Variants in CHRNB4 observed in about 807,000 individuals in gnomAD.
CHRNB4 encodes the protein neuronal acetylcholine receptor subunit beta-4.
A neutral mutation model predicts 40.4 loss-of-function variants in CHRNB4; 23 were observed. That is an observed-to-expected ratio of 0.57 (90% CI 0.41 to 0.81). CHRNB4 has a LOEUF of 0.81. Among genes scored for constraint, CHRNB4 ranks in the 30% least tolerant of loss-of-function variants. The pLI is 0.00. For synonymous variants in CHRNB4, 285 were observed against 274.4 expected (o/e 1.04, Z -0.38); for missense variants, 568 against 670.6 (o/e 0.85, Z 1.69).
chr15:78,644,857 T>C (rs1173844174), upstream of CHRNB4, among the ~76,000 whole-genome samples: 1 of 152,212 alleles, frequency 6.6e-6, no homozygotes, highest in African/African-American at 2.4e-5. Context: ...ACACCGCTGG[T>C]GCCCTCTCCA....
intron 5 of CHRNB4, among the ~76,000 whole-genome samples, chr15:78,655,320 C>T (rs1180099195): frequency 2.6e-5 from 4 of 151,574 alleles, no homozygotes; most frequent in African/African-American, 7.3e-5. Flanking sequence ...GATCCTCCCC[C>T]ACCTCCCAGC....
Position 78,631,310 on chromosome 15 carries a change from G to A in CHRNB4, c.227C>T (p.Thr76Ile), listed in dbSNP as rs1202771755. The A allele has an allele frequency of 6.2e-7, 1 of 1,613,998 alleles. No individual in the cohort carries two copies. The highest frequency in any genetic ancestry group is 1.3e-5 in the African/African-American group (1 of 74,942). Residue 76 changes from threonine to isoleucine, a missense_variant, in exon 3 of 6, where the codon ACC becomes ATC. This residue lies in a region of CHRNB4 where 161 missense variants were observed against 148.1 expected (regional missense o/e 1.09). Coordinates refer to ENST00000261751, the MANE Select transcript of CHRNB4 (RefSeq NM_000750.5). ...TACCTGTTTCAGCCAGACATTGGTG[G>A]TCATGATCTGCTCTCGCTCATTCTG... ...ISVNEREQIMTTNVWLKQEWT... is the reference protein window; with the variant it reads ...ISVNEREQIMITNVWLKQEWT...
upstream of CHRNB4, among the ~76,000 whole-genome samples, chr15:78,642,643 T>C (rs2054090950): frequency 6.6e-6 from 1 of 152,220 alleles, no homozygotes; most frequent in South Asian, 2.1e-4. Context: ...GGAAAGGACA[T>C]AAAACCTGGA....
rs1429427649 is a variant in CHRNB4 at position 78,660,202 on chromosome 15, G to A, written c.-851+310C>T. On this transcript the variant is annotated intron_variant and NMD_transcript_variant, in intron 1 of 11. Transcript: ENST00000559849. ...AGCCTGAGCAACAGAGCAAGACTCCGTCTTAAAAAAAAAAAAAAAGTGAAT... is the reference window on the plus strand; with the variant it reads ...AGCCTGAGCAACAGAGCAAGACTCCATCTTAAAAAAAAAAAAAAAGTGAAT... Among the ~76,000 whole-genome samples the A allele has an allele frequency of 6.4e-5, 5 of 77,822 alleles. 1 individual carries two copies. Among genetic ancestry groups the A allele is most frequent in the South Asian group, 7.1e-4 (2 of 2,820 alleles). The allele number at this position is 77,822 out of a possible 152,430, so 51.1% of individuals were successfully genotyped here. A position where few individuals can be genotyped will look rare whatever the true frequency, so the allele number is the denominator to read the frequency against.
At chr15:78,661,159 C>T (rs2054249944), upstream of CHRNB4, 2 of 622,286 alleles carry the variant, frequency 3.2e-6, no homozygotes, top group South Asian at 1.4e-5. Flanking sequence ...GCCGAAATGC[C>T]GGTACACCTC....
intron 1 of CHRNB4, among the ~76,000 whole-genome samples, chr15:78,639,488 C>CG (rs2054026542): frequency 6.6e-6 from 1 of 152,062 alleles, no homozygotes; most frequent in Non-Finnish European, 1.5e-5. Context: ...TTAGTAGAGA[C>CG]GGGGTTTCAC....
At chr15:78,640,605 G>A (rs1297526068) in intron 1 of CHRNB4, among the ~76,000 whole-genome samples, 2 of 152,232 alleles carry the variant, frequency 1.3e-5, no homozygotes, top group African/African-American at 4.8e-5. Context: ...CTAAGGCTGA[G>A]CAGCAGATTC....
chr15:78,631,704 C>G (rs1239936204), intron 2 of CHRNB4, among the ~76,000 whole-genome samples: 4 of 152,222 alleles, frequency 2.6e-5, no homozygotes, highest in Admixed American at 6.5e-5. Flanking sequence ...CATCATCTGT[C>G]ACTTAGACTA....
intron 6 of CHRNB4, chr15:78,649,574 C>T: frequency 3.5e-6 from 1 of 286,800 alleles, no homozygotes; most frequent in South Asian, 3.0e-5. Context: ...GCTTTTTACA[C>T]AAAAAGTTTG....
At position 78,629,709 on chromosome 15, in the gene CHRNB4, C is replaced by T. The variant is rs1419006239; in HGVS notation, c.596G>A (p.Gly199Asp). The change falls in exon 5 of 6, where the codon GGT becomes GAT. Residue 199 changes from glycine (G) to aspartate (D), a missense_variant. Gly to Asp is a moderately conservative substitution (Grantham distance 94). Around this residue, in one of 4 missense-constraint regions of CHRNB4, gnomAD observed 127 missense variants for 167.4 expected, o/e 0.76. Coordinates refer to ENST00000261751, the MANE Select transcript of CHRNB4 (RefSeq NM_000750.5). This position sits in a 1 kb window ranked among gnomAD's most constrained non-coding sequence, Gnocchi z 6.8. ...TASMDDFTPS[G>D]EWDIVALPGR... ...TGGGAGGGCCACTATGTCCCACTCA[C>T]CACTGGGAGTAAAGTCATCCATGCT... 1 of 1,614,122 alleles carries T rather than the reference C, an allele frequency of 6.2e-7. No homozygotes were observed. The highest frequency in any genetic ancestry group is 8.5e-7 in the Non-Finnish European group (1 of 1,180,028).
chr15:78,659,013 G>A (rs573229169), intron 1 of CHRNB4, among the ~76,000 whole-genome samples: 1 of 152,342 alleles, frequency 6.6e-6, no homozygotes, highest in East Asian at 1.9e-4. Context: ...CATTAACTGA[G>A]CATGTACTAT....
intron 1 of CHRNB4, among the ~76,000 whole-genome samples, chr15:78,659,047 T>TA (rs2054233755): frequency 6.6e-6 from 1 of 152,212 alleles, no homozygotes; most frequent in Non-Finnish European, 1.5e-5. Context: ...TTCTAAGTCC[T>TA]AGGGATACAG....
rs140834389 is a variant in CHRNB4 at position 78,649,732 on chromosome 15, G to GT, written c.-15-294dup. 0.011 allele frequency among the ~76,000 whole-genome samples: 1,681 copies of GT among 152,122 alleles called. 209 individuals carry two copies. In the East Asian group the frequency reaches 0.28, roughly 26 times the overall value. On this transcript the variant is annotated intron_variant and NMD_transcript_variant, in intron 6 of 11. Transcript: ENST00000559849. ...TAAAAACATGTTTAAAGATACCCACGTAAGTAGCAGAAGAATAAAATTGCA... is the reference window on the plus strand; with the variant it reads ...TAAAAACATGTTTAAAGATACCCACGTTAAGTAGCAGAAGAATAAAATTGCA...
chr15:78,652,333 A>C (rs2054179804), intron 6 of CHRNB4, among the ~76,000 whole-genome samples: 1 of 152,206 alleles, frequency 6.6e-6, no homozygotes, highest in Non-Finnish European at 1.5e-5. Flanking sequence ...GATCAGAGTC[A>C]TAGGTTGCCA....
At position 78,634,391 on chromosome 15, in the gene CHRNB4, G is replaced by A. The variant is rs190213392; in HGVS notation, c.204+1048C>T. Among the ~76,000 whole-genome samples the A allele has an allele frequency of 3.0e-3, 461 of 152,360 alleles. 4 individuals carry two copies. Among genetic ancestry groups the A allele is most frequent in the East Asian group, 0.012 (60 of 5,186 alleles). ...GACAATAACACTCAGACACCAGCCT[G>A]AGCAAGCCTGGCTGAAAGCCCTCCT... is the stretch of plus-strand genomic sequence containing the variant. On this transcript the variant is annotated intron_variant, in intron 2 of 5. Transcript: ENST00000261751.
rs117385892 is a variant in CHRNB4 at position 78,636,157 on chromosome 15, T to C, written c.56-570A>G. ...CCTGGCCTCAGGTGATCCACCCACA[T>C]TGGCCACTCAAAGTGCTGGGATTAC... On this transcript the variant is annotated intron_variant, in intron 1 of 5. Transcript: ENST00000261751. Among the ~76,000 whole-genome samples the C allele has an allele frequency of 2.4e-4, 36 of 152,308 alleles. No homozygotes were observed. In the East Asian group the frequency reaches 6.6e-3, roughly 28 times the overall value.
chr15:78,629,091 G>T lies in CHRNB4; in HGVS notation c.1214C>A (p.Pro405Gln), dbSNP rs71528524. ...AASKSPAGST[P>Q]VAIPRDFWLR... ...CCAGAAATCCCTGGGGATAGCCACC[G>T]GGGTAGAGCCGGCTGGAGACTTGGA... The change falls in exon 5 of 6, where the codon CCG (proline) becomes CAG (glutamine). Residue 405 changes from proline (P) to glutamine (Q), a missense_variant. Pro to Gln is a moderately conservative substitution (Grantham distance 76). Around this residue, in one of 4 missense-constraint regions of CHRNB4, gnomAD observed 242 missense variants for 274.9 expected, o/e 0.88. Transcript: ENST00000261751. The surrounding 1 kb of genome is among the most constrained non-coding windows in gnomAD (Gnocchi z 6.8). 9 of 1,614,218 alleles carry T rather than the reference G, an allele frequency of 5.6e-6. No homozygotes were observed. Among genetic ancestry groups the T allele is most frequent in the Non-Finnish European group, 6.8e-6 (8 of 1,180,052 alleles).
In CHRNB4 at chr15:78,656,678, A is replaced by C. The variant is rs187032168; in HGVS notation, c.-696T>G. On this transcript the variant is annotated 5_prime_UTR_variant and NMD_transcript_variant, in exon 4 of 12. Coordinates refer to the CHRNB4 transcript ENST00000559849. Reference sequence around the variant, plus strand: ...TCATTGGCAAACGCTGTAGAAGATAAGATGTCAAAAAGCTGAAAGAAGAGC... The same window carrying C: ...TCATTGGCAAACGCTGTAGAAGATACGATGTCAAAAAGCTGAAAGAAGAGC... 3.3e-5 allele frequency: 5 copies of C among 152,332 alleles called. No homozygotes were observed. In the East Asian group the frequency reaches 9.6e-4, roughly 29 times the overall value. 9.4% of individuals were successfully genotyped at this position (152,332 alleles called of 1,614,324 possible). A position where few individuals can be genotyped will look rare whatever the true frequency, so the allele number is the denominator to read the frequency against.
chr15:78,657,182 G>A (rs777442709), intron 3 of CHRNB4: 11 of 152,044 alleles, frequency 7.2e-5, no homozygotes, highest in Non-Finnish European at 1.5e-4. Flanking sequence ...ATGCCCCCAC[G>A]ACTGGCTAAT....
Sources: gnomAD v4.1 joint callset for allele counts (sites outside exome capture counted in the v4.1 genomes callset) on GRCh38, gnomAD v4.1.1 for gene constraint, gnomAD v4.1.1 regional missense constraint, Gnocchi (gnomAD v3.1) non-coding constraint, MANE v1.5 for transcripts, NCBI Gene and HGNC (gene_info 2026-07-23, HGNC 2026-07-21) for gene names.